The following DDX23 variants were observed in gnomAD, a reference collection of about 807,000 sequenced individuals.
DDX23 encodes DEAD-box helicase 23, also known as probable ATP-dependent RNA helicase DDX23.
Under a neutral mutation model 102.7 loss-of-function variants are expected in DDX23, and 33 were observed. The observed-to-expected ratio is 0.32, with a 90% CI of 0.24 to 0.43. The LOEUF (loss-of-function observed/expected upper bound fraction) is 0.43. Ranked by LOEUF, DDX23 falls within the 20% of genes least tolerant of loss-of-function variation. The pLI, the probability that DDX23 is intolerant of heterozygous loss-of-function variation, is 1.00. For missense variants in DDX23, 549 were observed against 1,086.6 expected, an observed-to-expected ratio of 0.51 and a Z score of 6.96; for synonymous variants, 352 against 376.0, an observed-to-expected ratio of 0.94 and a Z score of 0.74.
chr12:48,850,052 A>G (rs1938732562), intron 1 of DDX23, among the ~76,000 whole-genome samples: 1 of 152,228 alleles, frequency 6.6e-6, no homozygotes. Context: ...GGATCTTAGA[A>G]GAGCTTTAAA....
chr12:48,836,034 A>G lies in DDX23; in HGVS notation c.1382+87T>C. 1 of 1,420,532 alleles carries G rather than the reference A, an allele frequency of 7.0e-7. No individual in the cohort carries two copies. The highest frequency in any genetic ancestry group is 1.2e-5 in the South Asian group (1 of 82,418). The allele number at this position is 1,420,532 out of a possible 1,614,324, so 88.0% of individuals were successfully genotyped here. A position where few individuals can be genotyped will look rare whatever the true frequency, so the allele number is the denominator to read the frequency against. ...TAAAGAAGAAAGCTTCTGATTATAG[A>G]CGTAAAACAAAAATCAAACATTCAT... On this transcript the variant is annotated intron_variant, in intron 11 of 16. Transcript: ENST00000308025. The surrounding 1 kb of genome is among the most constrained non-coding windows in gnomAD (Gnocchi z 6.1).
chr12:48,845,489 T>C (rs1938650605), intron 2 of DDX23, 85 bp downstream of exon 2: 5 of 1,430,394 alleles, frequency 3.5e-6, no homozygotes, highest in Non-Finnish European at 4.9e-6. Context: ...AGATGCCTAA[T>C]ACTGGAGGCA....
In DDX23 at chr12:48,832,472, G is replaced by A. The variant is rs1938405110; in HGVS notation, c.1905C>T (p.Pro635=). ...AGACCTTCTGTTCCACACGCTCATG[G>A]GGCTTGCCTGCGGAGCCAATGTACA... is the stretch of plus-strand genomic sequence containing the variant. ...AVVYIGSAGK[P]HERVEQKVFL... The change falls in exon 14 of 17, where the codon CCC becomes CCT. Residue 635 remains proline (P), a synonymous_variant. Coordinates refer to ENST00000308025, the MANE Select transcript of DDX23 (RefSeq NM_004818.3). This position sits in a 1 kb window ranked among gnomAD's most constrained non-coding sequence, Gnocchi z 4.4. 1 of 1,614,100 alleles carries A rather than the reference G, an allele frequency of 6.2e-7. No individual in the cohort carries two copies. The highest frequency in any genetic ancestry group is 8.5e-7 in the Non-Finnish European group (1 of 1,180,028).
intron 12 of DDX23, 63 bp downstream of exon 12, chr12:48,834,251 GAAACTA>G: frequency 6.8e-7 from 1 of 1,476,204 alleles, no homozygotes; most frequent in Non-Finnish European, 9.2e-7. Flanking sequence ...ATATATTCCA[GAAACTA>G]GAAACAAAGC....
chr12:48,845,549 G>A, intron 2 of DDX23, 25 bp downstream of exon 2: 1 of 1,613,178 alleles, frequency 6.2e-7, no homozygotes, highest in Non-Finnish European at 8.5e-7. Flanking sequence ...CCCTTCCCAT[G>A]TAATAACATA....
At position 48,830,456 on chromosome 12, in the gene DDX23, G is replaced by C. The variant is rs766903822; in HGVS notation, c.*13C>G. Reference sequence around the variant, plus strand: ...CTTTGGAGATGCCCTCAGCCCACAGGAAGAGTGCTGTGTCAGGCAAAGATG... The same window carrying C: ...CTTTGGAGATGCCCTCAGCCCACAGCAAGAGTGCTGTGTCAGGCAAAGATG... On this transcript the variant is annotated 3_prime_UTR_variant, in exon 17 of 17. Coordinates refer to ENST00000308025, the MANE Select transcript of DDX23 (RefSeq NM_004818.3). The surrounding 1 kb of genome is among the most constrained non-coding windows in gnomAD (Gnocchi z 4.9). 1 of 1,613,898 alleles carries C rather than the reference G, an allele frequency of 6.2e-7. No individual in the cohort carries two copies. Among genetic ancestry groups the C allele is most frequent in the Admixed American group, 1.7e-5 (1 of 60,018 alleles).
At chr12:48,831,094 A>C in intron 16 of DDX23, 48 bp downstream of exon 16, 1 of 1,605,922 alleles carries the variant, frequency 6.2e-7, no homozygotes, top group South Asian at 1.1e-5. Flanking sequence ...GGACACCATA[A>C]GGAATCTGAC....
intron 15 of DDX23, 70 bp from the exon 16 acceptor site, chr12:48,831,386 G>A (rs1040883379): frequency 1.3e-6 from 2 of 1,484,216 alleles, no homozygotes; most frequent in Non-Finnish European, 1.9e-6. Flanking sequence ...TCAGAGGAAT[G>A]GGACACAGAT....
chr12:48,839,976 C>T (rs371899561), intron 4 of DDX23, 37 bp downstream of exon 4: 22 of 1,610,858 alleles, frequency 1.4e-5, no homozygotes, highest in African/African-American at 8.0e-5. Flanking sequence ...AAGCAACGCA[C>T]GAGTTGAAGA....
At position 48,832,537 on chromosome 12, in the gene DDX23, C is replaced by T; in HGVS notation, c.1840G>A (p.Glu614Lys). 1 of 1,614,192 alleles carries T rather than the reference C, an allele frequency of 6.2e-7. No homozygotes were observed. Among genetic ancestry groups the T allele is most frequent in the Non-Finnish European group, 8.5e-7 (1 of 1,180,034 alleles). Residue 614 changes from glutamate (E) to lysine (K), a missense_variant, in exon 14 of 17, where the codon GAG (glutamate) becomes AAG (lysine). Physicochemically the swap from Glu to Lys is moderately conservative, Grantham distance 56. Coordinates refer to ENST00000308025, the MANE Select transcript of DDX23 (RefSeq NM_004818.3). This position sits in a 1 kb window ranked among gnomAD's most constrained non-coding sequence, Gnocchi z 4.4. ...MFTATMPPAV[E>K]RLARSYLRRP... ...CGAAGATAGCTCCTGGCCAGACGCTCCACCGCTGGGGGCATGGTGGCCGTG... is the reference window on the plus strand; with the variant it reads ...CGAAGATAGCTCCTGGCCAGACGCTTCACCGCTGGGGGCATGGTGGCCGTG...
chr12:48,851,494 G>A (rs534021729), intron 1 of DDX23, among the ~76,000 whole-genome samples: 47 of 151,540 alleles, frequency 3.1e-4, no homozygotes, highest in African/African-American at 1.1e-3. Flanking sequence ...GAAAAGAAAA[G>A]AAAAAAAAGA....
rs112450197 is a variant in DDX23 at position 48,830,405 on chromosome 12, G to A, written c.*64C>T. Reference sequence around the variant, plus strand: ...GAGGACCTGGAAAGAGGGATGTGAGGGTTCTGAAAAACAGGCATCAGGCAG... The same window carrying A: ...GAGGACCTGGAAAGAGGGATGTGAGAGTTCTGAAAAACAGGCATCAGGCAG... On this transcript the variant is annotated 3_prime_UTR_variant, in exon 17 of 17. Coordinates refer to ENST00000308025, the MANE Select transcript of DDX23 (RefSeq NM_004818.3). The surrounding 1 kb of genome is among the most constrained non-coding windows in gnomAD (Gnocchi z 4.9). 1.2e-5 allele frequency: 19 copies of A among 1,558,188 alleles called. No individual in the cohort carries two copies. The highest frequency in any genetic ancestry group is 8.1e-5 in the African/African-American group (6 of 73,920).
At chr12:48,842,179 G>C (rs368629594) in intron 3 of DDX23, among the ~76,000 whole-genome samples, 4 of 100,868 alleles carry the variant, frequency 4.0e-5, no homozygotes, top group African/African-American at 3.3e-5. Context: ...GAGGTGGGGG[G>C]GGTTAGCTCC....
Position 48,834,655 on chromosome 12 carries a change from T to G in DDX23, c.1383-158A>C, listed in dbSNP as rs548769695. The G allele has an allele frequency of 9.8e-4, 647 of 660,224 alleles. 3 individuals carry two copies. The Middle Eastern group carries it at 0.011, about 11-fold the overall frequency. 40.9% of individuals were successfully genotyped at this position (660,224 alleles called of 1,614,324 possible). A position where few individuals can be genotyped will look rare whatever the true frequency, so the allele number is the denominator to read the frequency against. The stretch of plus-strand genomic sequence containing the variant: ...TCACTTAAAAATCAGAGGCCAGGGC[T>G]GGGCATGGTGGCTCATGTCTGTAAT... On this transcript the variant is annotated intron_variant, in intron 11 of 16. Transcript: ENST00000308025.
rs747318295 is a variant in DDX23 at position 48,836,784 on chromosome 12, G to A, written c.1021C>T (p.Arg341Cys). 12 of 1,613,894 alleles carry A rather than the reference G, an allele frequency of 7.4e-6. No individual in the cohort carries two copies. Among genetic ancestry groups the A allele is most frequent in the Admixed American group, 5.0e-5 (3 of 59,986 alleles). ...EEKEQEEARLRKLRKKEAKQR... is the reference protein window; with the variant it reads ...EEKEQEEARLCKLRKKEAKQR... ...TTGGCTTCCTTCTTACGAAGTTTGC[G>A]GAGTCTTGCCCTGGAGCAGGGTGTG... Residue 341 changes from arginine (R) to cysteine (C), a missense_variant, in exon 10 of 17, where the codon CGC (arginine) becomes TGC (cysteine). This residue lies in a region of DDX23 where 270 missense variants were observed against 707.0 expected (regional missense o/e 0.38). Transcript: ENST00000308025. This position sits in a 1 kb window ranked among gnomAD's most constrained non-coding sequence, Gnocchi z 6.1.
At chr12:48,843,030 T>C (rs1400792976) in intron 3 of DDX23, among the ~76,000 whole-genome samples, 3 of 150,428 alleles carry the variant, frequency 2.0e-5, no homozygotes, top group African/African-American at 7.4e-5. Context: ...ACATGTGCTG[T>C]GTCCACTCAG....
chr12:48,842,713 G>A (rs1938587700), intron 3 of DDX23, among the ~76,000 whole-genome samples: 2 of 151,808 alleles, frequency 1.3e-5, no homozygotes, highest in African/African-American at 2.4e-5. Flanking sequence ...GCCCCGTCCA[G>A]GAGGTGAGGG....
chr12:48,842,078 C>T (rs1938563185), intron 3 of DDX23, among the ~76,000 whole-genome samples: 1 of 151,870 alleles, frequency 6.6e-6, no homozygotes, highest in Non-Finnish European at 1.5e-5. Flanking sequence ...GCAGCCACAT[C>T]GTCTGAGAAG....
At position 48,830,667 on chromosome 12, in the gene DDX23, C is replaced by T. The variant is rs779002979; in HGVS notation, c.2265G>A (p.Thr755=). 9.9e-6 allele frequency: 16 copies of T among 1,612,666 alleles called. No homozygotes were observed. In the Middle Eastern group the frequency reaches 5.0e-4, roughly 50 times the overall value. Residue 755 remains threonine, a synonymous_variant, in exon 17 of 17, where the codon ACG becomes ACA. Coordinates refer to ENST00000308025, the MANE Select transcript of DDX23 (RefSeq NM_004818.3). The surrounding 1 kb of genome is among the most constrained non-coding windows in gnomAD (Gnocchi z 4.9). Reference sequence around the variant, plus strand: ...CCACCCCACTCTTGCCTGCTCGTCCCGTGCGGCCAATGCGGTGGATGTAAT... The same window carrying T: ...CCACCCCACTCTTGCCTGCTCGTCCTGTGCGGCCAATGCGGTGGATGTAAT... ...IEDYIHRIGR[T]GRAGKSGVAI...
Sources: allele counts gnomAD v4.1 joint callset (sites outside exome capture counted in the v4.1 genomes callset), GRCh38; gene constraint gnomAD v4.1.1; regional missense constraint gnomAD v4.1.1; non-coding constraint Gnocchi (gnomAD v3.1); transcripts MANE v1.5; gene names NCBI Gene and HGNC (gene_info 2026-07-23, HGNC 2026-07-21).